The following PLCB1 variants were observed in gnomAD, a reference collection of about 807,000 sequenced individuals.
PLCB1 encodes the protein 1-phosphatidylinositol 4,5-bisphosphate phosphodiesterase beta-1.
A neutral mutation model predicts 161.8 loss-of-function variants in PLCB1; 46 were observed. That is an observed-to-expected ratio of 0.28 (90% CI 0.22 to 0.36). The LOEUF (loss-of-function observed/expected upper bound fraction) is 0.36, where lower values mean the gene tolerates loss of function less well. PLCB1 is among the 10% of genes least tolerant of loss of function. The pLI, the probability that PLCB1 is intolerant of heterozygous loss-of-function variation, is 1.00. For missense variants in PLCB1, 1,016 were observed against 1,472.5 expected (o/e 0.69, Z 5.07); for synonymous variants, 517 against 503.7 (o/e 1.03, Z -0.35).
chr20:8,529,767 G>A (rs541809078), intron 3 of PLCB1, among the ~76,000 whole-genome samples: 61 of 152,116 alleles, frequency 4.0e-4, no homozygotes, highest in African/African-American at 7.5e-4. Flanking sequence ...TTTAACGTAC[G>A]TTTCTGTGCT....
intron 2 of PLCB1, among the ~76,000 whole-genome samples, chr20:8,226,324 T>C (rs765888754): frequency 9.2e-5 from 14 of 152,170 alleles, no homozygotes; most frequent in Non-Finnish European, 1.5e-4. Flanking sequence ...TGTTGGACCC[T>C]GTGAGGTCAC....
chr20:8,787,630 G>A (rs1171943747), intron 27 of PLCB1, among the ~76,000 whole-genome samples: 1 of 152,144 alleles, frequency 6.6e-6, no homozygotes, highest in Non-Finnish European at 1.5e-5. Flanking sequence ...GGTTCCTCAT[G>A]AGGAAAAAAG....
chr20:8,620,203 GATTA>G (rs1300820450), intron 3 of PLCB1, among the ~76,000 whole-genome samples: 2 of 152,030 alleles, frequency 1.3e-5, no homozygotes, highest in African/African-American at 4.8e-5. Flanking sequence ...TGACATGATT[GATTA>G]CTTATTTTAA....
At chr20:8,196,289 C>T (rs1263996686) in intron 2 of PLCB1, among the ~76,000 whole-genome samples, 2 of 152,072 alleles carry the variant, frequency 1.3e-5, no homozygotes, top group African/African-American at 4.8e-5. Context: ...TTTGAAATAC[C>T]ATTTGGCAGT....
At chr20:8,583,928 G>A (rs1242869564) in intron 3 of PLCB1, among the ~76,000 whole-genome samples, 6 of 152,046 alleles carry the variant, frequency 3.9e-5, no homozygotes, top group Non-Finnish European at 7.4e-5. Flanking sequence ...AAAGGGGCCC[G>A]TCAGCACTCT....
intron 4 of PLCB1, among the ~76,000 whole-genome samples, chr20:8,644,371 A>C (rs1989074089): frequency 7.6e-6 from 1 of 131,564 alleles, no homozygotes. Flanking sequence ...CCCGGCCGCC[A>C]TCCCATCTAG....
At chr20:8,133,948 T>G (rs2122995267) in intron 1 of PLCB1, among the ~76,000 whole-genome samples, 1 of 152,330 alleles carries the variant, frequency 6.6e-6, no homozygotes, top group East Asian at 1.9e-4. Flanking sequence ...ATATTCCAGG[T>G]AGTGAATCCA....
intron 14 of PLCB1, 94 bp from the exon 15 acceptor site, chr20:8,722,260 T>C (rs1979684211): frequency 2.2e-6 from 2 of 897,824 alleles, no homozygotes; most frequent in Non-Finnish European, 3.4e-6. Context: ...TCCAAGGAAA[T>C]CTGTAATTGA....
rs11320743 is a variant in PLCB1, at chr20:8,639,893, G to GA, written c.385-6195dup. Among the ~76,000 whole-genome samples, 685 of 138,498 alleles carry GA rather than the reference G, an allele frequency of 4.9e-3. 3 individuals are homozygous for GA. The highest frequency in any genetic ancestry group is 0.013 in the African/African-American group (470 of 37,524). 90.9% of individuals were successfully genotyped at this position (138,498 alleles called of 152,430 possible). A position where few individuals can be genotyped will look rare whatever the true frequency, so the allele number is the denominator to read the frequency against. ...ATTTTACTTTTAAATTAGAAGACAA[G>GA]AAAAAAAAAAAAAACTGTGTTTAAG... On this transcript the variant is annotated intron_variant, in intron 4 of 31. Coordinates refer to ENST00000338037, the MANE Select transcript of PLCB1 (RefSeq NM_015192.4).
At chr20:8,407,588 G>A (rs932466280) in intron 3 of PLCB1, among the ~76,000 whole-genome samples, 4 of 152,128 alleles carry the variant, frequency 2.6e-5, no homozygotes, top group African/African-American at 7.2e-5. Context: ...TCGCTATCAC[G>A]AGAATAGCAT....
chr20:8,742,619 CTT>C (rs746670234), intron 23 of PLCB1, among the ~76,000 whole-genome samples: 5 of 152,090 alleles, frequency 3.3e-5, no homozygotes, highest in Non-Finnish European at 7.4e-5. Context: ...AATTGTTACT[CTT>C]TCATAAAATG....
chr20:8,576,085 A>G (rs1293961790), intron 3 of PLCB1, among the ~76,000 whole-genome samples: 1 of 152,236 alleles, frequency 6.6e-6, no homozygotes, highest in Non-Finnish European at 1.5e-5. Flanking sequence ...AAAATTGCTT[A>G]GAAAATATAA....
chr20:8,175,837 C>T (rs1182706062), intron 2 of PLCB1, among the ~76,000 whole-genome samples: 1 of 151,980 alleles, frequency 6.6e-6, no homozygotes, highest in African/African-American at 2.4e-5. Context: ...AAAACCTAAA[C>T]CAAACAATCC....
At chr20:8,797,281 TTTC>T (rs1477557163) in intron 31 of PLCB1, among the ~76,000 whole-genome samples, 12 of 152,136 alleles carry the variant, frequency 7.9e-5, no homozygotes, top group Admixed American at 4.6e-4. Context: ...TTGTGCAGTT[TTTC>T]TATAGTGTGT....
At chr20:8,582,336 C>T (rs781068223) in intron 3 of PLCB1, among the ~76,000 whole-genome samples, 45 of 152,234 alleles carry the variant, frequency 3.0e-4, no homozygotes, top group Non-Finnish European at 5.0e-4. Flanking sequence ...TGGGAGGTAA[C>T]GCCCTACACC....
chr20:8,485,134 T>C (rs1219799328), intron 3 of PLCB1, among the ~76,000 whole-genome samples: 3 of 152,178 alleles, frequency 2.0e-5, no homozygotes, highest in African/African-American at 7.2e-5. Context: ...GAGAAAACTG[T>C]CAAACAGAAC....
At chr20:8,145,496 A>G (rs2051444590) in intron 1 of PLCB1, among the ~76,000 whole-genome samples, 1 of 152,266 alleles carries the variant, frequency 6.6e-6, no homozygotes, top group Non-Finnish European at 1.5e-5. Context: ...GAGGGTAGCA[A>G]CATGACAGCT....
chr20:8,711,087 A>T (rs1001110285), intron 12 of PLCB1, among the ~76,000 whole-genome samples: 4 of 152,232 alleles, frequency 2.6e-5, no homozygotes, highest in African/African-American at 9.6e-5. Context: ...CATTTTACAG[A>T]TGATGGAACT....
At chr20:8,748,534 C>A (rs900768361) in intron 23 of PLCB1, among the ~76,000 whole-genome samples, 1 of 152,118 alleles carries the variant, frequency 6.6e-6, no homozygotes, top group African/African-American at 2.4e-5. Context: ...GTTCATCTGC[C>A]TAAAATAGGG....
Sources: gnomAD v4.1 joint callset for allele counts (sites outside exome capture counted in the v4.1 genomes callset) on GRCh38, gnomAD v4.1.1 for gene constraint, MANE v1.5 for transcripts, NCBI Gene and HGNC (gene_info 2026-07-23, HGNC 2026-07-21) for gene names.